FOXN2: variants seen among roughly 807,000 people sequenced by gnomAD.
FOXN2 encodes forkhead box N2.
A neutral mutation model predicts 41.2 loss-of-function variants in FOXN2; 19 were observed. The ratio of observed to expected loss-of-function variants is 0.46; its 90% confidence interval spans 0.32 to 0.68. The LOEUF is 0.68. Ranked by LOEUF, FOXN2 falls within the 30% of genes least tolerant of loss-of-function variation. FOXN2 has a pLI of 0.03. For synonymous variants in FOXN2, 195 were observed against 176.8 expected, an observed-to-expected ratio of 1.10 and a Z score of -0.82; for missense variants, 587 against 509.4, an observed-to-expected ratio of 1.15 and a Z score of -1.47.
chr2:48,366,923 A>G (rs1483828720), intron 5 of FOXN2, among the ~76,000 whole-genome samples: 1 of 152,120 alleles, frequency 6.6e-6, no homozygotes, highest in Admixed American at 6.6e-5. Flanking sequence ...CTTAGGTATT[A>G]TCATTGGCCT....
chr2:48,322,906 CTT>C (rs1375578471), intron 1 of FOXN2, among the ~76,000 whole-genome samples: 1 of 140,774 alleles, frequency 7.1e-6, no homozygotes. Flanking sequence ...TTTATTGTTT[CTT>C]TTTTTTTTTA....
chr2:48,351,524 C>T (rs1671446623), intron 3 of FOXN2, among the ~76,000 whole-genome samples: 1 of 152,144 alleles, frequency 6.6e-6, no homozygotes, highest in South Asian at 2.1e-4. Context: ...TTGTGGAAGA[C>T]AGTTTTTCTG....
intron 3 of FOXN2, among the ~76,000 whole-genome samples, chr2:48,348,427 A>G (rs12468976): frequency 0.021 from 3,257 of 152,254 alleles, 44 homozygotes; most frequent in Non-Finnish European, 0.032. Flanking sequence ...ATCCATAAAC[A>G]TATTAATTAT....
intron 5 of FOXN2, among the ~76,000 whole-genome samples, chr2:48,366,703 C>A (rs1403503685): frequency 3.3e-5 from 5 of 152,000 alleles, no homozygotes; most frequent in African/African-American, 1.2e-4. Context: ...TGAGGTATTG[C>A]TGCCCCTCTT....
At chr2:48,327,103 C>G (rs1200530033) in intron 1 of FOXN2, among the ~76,000 whole-genome samples, 3 of 151,982 alleles carry the variant, frequency 2.0e-5, no homozygotes, top group Non-Finnish European at 2.9e-5. Flanking sequence ...GACCTCTTTC[C>G]TGAACTTTAC....
At chr2:48,333,951 A>G (rs764380466) in intron 2 of FOXN2, among the ~76,000 whole-genome samples, 49 of 152,188 alleles carry the variant, frequency 3.2e-4, no homozygotes, top group South Asian at 1.0e-3. Flanking sequence ...TTTGAAATAT[A>G]TTTGGCCCTA....
intron 2 of FOXN2, among the ~76,000 whole-genome samples, chr2:48,341,294 AT>A (rs1378477138): frequency 6.6e-6 from 1 of 152,114 alleles, no homozygotes; most frequent in East Asian, 1.9e-4. Flanking sequence ...TAAGACTATA[AT>A]TTTTAAAATA....
intron 5 of FOXN2, among the ~76,000 whole-genome samples, chr2:48,366,134 A>G (rs112250066): frequency 0.075 from 11,402 of 152,174 alleles, 598 homozygotes; most frequent in Non-Finnish European, 0.11. Flanking sequence ...AGGTAGGTGG[A>G]TCACATGAGA....
At chr2:48,347,704 A>G (rs1057384011) in intron 3 of FOXN2, among the ~76,000 whole-genome samples, 7 of 152,216 alleles carry the variant, frequency 4.6e-5, no homozygotes, top group African/African-American at 1.7e-4. Context: ...GGCTCTTTAC[A>G]GAAAAAGTTG....
chr2:48,377,185 G>GA lies in FOXN2; in HGVS notation c.*1746dup, dbSNP rs1673308784. 6.6e-6 allele frequency: 1 copy of GA among 151,174 alleles called. No homozygotes were observed. The highest frequency in any genetic ancestry group is 1.5e-5 in the Non-Finnish European group (1 of 67,700). The allele number at this position is 151,174 out of a possible 1,614,324, so 9.4% of individuals were successfully genotyped here. On this transcript the variant is annotated 3_prime_UTR_variant, in exon 7 of 7. Coordinates refer to ENST00000340553, the MANE Select transcript of FOXN2 (RefSeq NM_002158.4). Reference sequence around the variant, plus strand: ...AGTAATTTTTAAATTTGTTAATAATGAAAACCCTTAAGCATGCAGGATGAG... The same window carrying GA: ...AGTAATTTTTAAATTTGTTAATAATGAAAAACCCTTAAGCATGCAGGATGAG...
intron 5 of FOXN2, among the ~76,000 whole-genome samples, chr2:48,364,881 C>T (rs556426834): frequency 6.6e-6 from 1 of 152,350 alleles, no homozygotes; most frequent in South Asian, 2.1e-4. Context: ...CCTTCTGACC[C>T]TTTACTGAAG....
chr2:48,371,250 T>G (rs747754635), intron 5 of FOXN2, among the ~76,000 whole-genome samples: 5 of 152,006 alleles, frequency 3.3e-5, no homozygotes, highest in Admixed American at 6.6e-5. Flanking sequence ...ACACAAAAAT[T>G]AGCTGAGTGT....
rs1480764079 is a variant in FOXN2 at position 48,376,319 on chromosome 2, A to G, written c.*876A>G. 2 of 152,062 alleles carry G rather than the reference A, an allele frequency of 1.3e-5. No homozygotes were observed. The highest frequency in any genetic ancestry group is 4.8e-5 in the African/African-American group (2 of 41,436). The allele number at this position is 152,062 out of a possible 1,614,324, so 9.4% of individuals were successfully genotyped here. A position where few individuals can be genotyped will look rare whatever the true frequency, so the allele number is the denominator to read the frequency against. ...CACACTTGTAATAAGAGAATCTTTCATTTGCCTGCCATGTGTACTGTATTA... is the reference window on the plus strand; with the variant it reads ...CACACTTGTAATAAGAGAATCTTTCGTTTGCCTGCCATGTGTACTGTATTA... On this transcript the variant is annotated 3_prime_UTR_variant, in exon 7 of 7. Transcript: ENST00000340553.
chr2:48,331,326 A>G (rs1280571421), intron 2 of FOXN2, among the ~76,000 whole-genome samples: 1 of 151,862 alleles, frequency 6.6e-6, no homozygotes, highest in Non-Finnish European at 1.5e-5. Flanking sequence ...AACAACATAG[A>G]TTTAGGACTC....
intron 2 of FOXN2, among the ~76,000 whole-genome samples, chr2:48,344,775 G>A (rs1490030962): frequency 6.6e-6 from 1 of 151,364 alleles, no homozygotes; most frequent in South Asian, 2.1e-4. Flanking sequence ...AATAAAATTA[G>A]CCGGTTTTCA....
chr2:48,363,226 A>G (rs1458141038), intron 5 of FOXN2, among the ~76,000 whole-genome samples: 1 of 152,270 alleles, frequency 6.6e-6, no homozygotes, highest in East Asian at 1.9e-4. Context: ...GCTCAGGTTA[A>G]TGTGTGTATT....
At chr2:48,316,871 C>G (rs1668951597) in intron 1 of FOXN2, among the ~76,000 whole-genome samples, 1 of 152,134 alleles carries the variant, frequency 6.6e-6, no homozygotes, top group African/African-American at 2.4e-5. Flanking sequence ...TGCACAAGAA[C>G]TGTATAGAGA....
intron 1 of FOXN2, among the ~76,000 whole-genome samples, chr2:48,326,470 G>A (rs1434621237): frequency 6.6e-6 from 1 of 151,544 alleles, no homozygotes; most frequent in Non-Finnish European, 1.5e-5. Context: ...TTACATTAGT[G>A]TATTACAGAG....
intron 5 of FOXN2, among the ~76,000 whole-genome samples, chr2:48,367,001 G>C (rs761646963): frequency 3.9e-5 from 6 of 152,094 alleles, no homozygotes; most frequent in Non-Finnish European, 2.9e-5. Context: ...TTATATTAGA[G>C]CTACCTTTAG....
Sources: allele counts gnomAD v4.1 joint callset (sites outside exome capture counted in the v4.1 genomes callset), GRCh38; gene constraint gnomAD v4.1.1; transcripts MANE v1.5; gene names NCBI Gene and HGNC (gene_info 2026-07-23, HGNC 2026-07-21).